Variants in PANX3 observed in about 807,000 individuals in gnomAD.
The protein encoded by PANX3 is pannexin 3.
A neutral mutation model predicts 31.5 loss-of-function variants in PANX3; 18 were observed. That is an observed-to-expected ratio of 0.57 (90% CI 0.39 to 0.85). The LOEUF (loss-of-function observed/expected upper bound fraction) is 0.85. Among genes scored for constraint, PANX3 ranks in the 40% least tolerant of loss-of-function variants. PANX3 has a pLI of 0.00. For missense variants in PANX3, 426 were observed against 485.4 expected (o/e 0.88, Z 1.15); for synonymous variants, 194 against 201.6 (o/e 0.96, Z 0.32).
At position 124,612,973 on chromosome 11, in the gene PANX3, G is replaced by A. The variant is rs763756726; in HGVS notation, c.182-7G>A. Reference sequence around the variant, plus strand: ...CAGGCGGCCTCAAAGCTGTGTTCCTGTTGCAGGGTCTCCGATCAGCTGCTT... The same window carrying A: ...CAGGCGGCCTCAAAGCTGTGTTCCTATTGCAGGGTCTCCGATCAGCTGCTT... On this transcript the variant is annotated splice_region_variant and splice_polypyrimidine_tract_variant and intron_variant, in intron 1 of 3. Coordinates refer to ENST00000284288, the MANE Select transcript of PANX3 (RefSeq NM_052959.3). The A allele has an allele frequency of 6.2e-7, 1 of 1,613,788 alleles. No individual in the cohort carries two copies. The highest frequency in any genetic ancestry group is 1.7e-5 in the Admixed American group (1 of 60,008).
intron 1 of PANX3, among the ~76,000 whole-genome samples, chr11:124,612,343 TA>T (rs1863104082): frequency 6.6e-6 from 1 of 152,216 alleles, no homozygotes; most frequent in Non-Finnish European, 1.5e-5. Flanking sequence ...CTACCTTTGT[TA>T]AAGAGAATGT....
chr11:124,613,854 C>G (rs977972726), intron 2 of PANX3, among the ~76,000 whole-genome samples: 1 of 152,156 alleles, frequency 6.6e-6, no homozygotes, highest in Non-Finnish European at 1.5e-5. Flanking sequence ...CCATCCTCCC[C>G]ATGAACTGGT....
At chr11:124,617,627 T>C in intron 3 of PANX3, 139 bp downstream of exon 3, 1 of 790,594 alleles carries the variant, frequency 1.3e-6, no homozygotes, top group South Asian at 1.7e-5. Flanking sequence ...TCATTAACTT[T>C]CTATTGTTTC....
intron 3 of PANX3, 71 bp downstream of exon 3, chr11:124,617,559 C>G: frequency 1.4e-6 from 2 of 1,460,548 alleles, no homozygotes; most frequent in Non-Finnish European, 1.9e-6. Context: ...GCATAGTCAT[C>G]TTTAAATGAT....
intron 2 of PANX3, among the ~76,000 whole-genome samples, chr11:124,614,896 C>T (rs1312750143): frequency 1.3e-5 from 2 of 151,146 alleles, no homozygotes; most frequent in African/African-American, 2.4e-5. Context: ...AGGCTGGTCT[C>T]GAACTCCTGA....
chr11:124,613,779 G>T (rs1863120604), intron 2 of PANX3, among the ~76,000 whole-genome samples: 1 of 152,098 alleles, frequency 6.6e-6, no homozygotes. Flanking sequence ...GTTTTCAGAA[G>T]TACCTGGTGT....
chr11:124,611,866 A>C, intron 1 of PANX3, 129 bp downstream of exon 1: 1 of 1,011,826 alleles, frequency 9.9e-7, no homozygotes, highest in Non-Finnish European at 1.4e-6. Context: ...GGATTATCCA[A>C]AAGGCAGATG....
At position 124,619,297 on chromosome 11, in the gene PANX3, G is replaced by A. The variant is rs1278523566; in HGVS notation, c.541G>A (p.Ala181Thr). The change falls in exon 4 of 4, where the codon GCT (alanine) becomes ACT (threonine). Residue 181 changes from alanine (A) to threonine (T), a missense_variant and splice_region_variant. Coordinates refer to ENST00000284288, the MANE Select transcript of PANX3 (RefSeq NM_052959.3). ...PYVFWNELEK[A>T]RKERYFEFPL... The stretch of plus-strand genomic sequence containing the variant: ...TGCCTCCTTCCTTCCACTGCCCAGG[G>A]CTCGGAAAGAACGATACTTTGAATT... The A allele has an allele frequency of 1.2e-6, 2 of 1,610,100 alleles. No homozygotes were observed. The highest frequency in any genetic ancestry group is 1.7e-6 in the Non-Finnish European group (2 of 1,178,432).
intron 1 of PANX3, among the ~76,000 whole-genome samples, chr11:124,612,767 G>C (rs1487786281): frequency 6.6e-6 from 1 of 152,218 alleles, no homozygotes; most frequent in African/African-American, 2.4e-5. Flanking sequence ...AAAAGGCTGA[G>C]TCAGCACTGG....
Position 124,611,667 on chromosome 11 carries a change from A to G in PANX3, c.111A>G (p.Ile37Met). Residue 37 changes from isoleucine to methionine, a missense_variant, in exon 1 of 4, where the codon ATA becomes ATG. Physicochemically the swap from Ile to Met is conservative, Grantham distance 10 (BLOSUM62 1). Coordinates refer to ENST00000284288, the MANE Select transcript of PANX3 (RefSeq NM_052959.3). ...GTCTGGAACTGCCCCTGGACCGGAT[A>G]GTCAAGTTCGTAGCTGTGGGCTCCC... Reference protein sequence around the residue: ...GLRLELPLDRIVKFVAVGSPL... With the variant: ...GLRLELPLDRMVKFVAVGSPL... The G allele has an allele frequency of 6.2e-7, 1 of 1,614,212 alleles. No individual in the cohort carries two copies.
chr11:124,611,635 G>T lies in PANX3; in HGVS notation c.79G>T (p.Gly27Ter). The change falls in exon 1 of 4, where the codon GGA (glycine) becomes TGA (stop). Residue 27 changes from glycine to a stop codon, truncating the protein, a stop_gained. Coordinates refer to ENST00000284288, the MANE Select transcript of PANX3 (RefSeq NM_052959.3). LOFTEE classifies it high-confidence loss of function. Reference sequence around the variant, plus strand: ...TGACCGCAGGGGACCCCGCCTCAAAGGACTGCGTCTGGAACTGCCCCTGGA... The same window carrying T: ...TGACCGCAGGGGACCCCGCCTCAAATGACTGCGTCTGGAACTGCCCCTGGA... Reference protein sequence around the residue: ...LPDRRGPRLKGLRLELPLDRI... With the variant: ...LPDRRGPRLK The T allele has an allele frequency of 1.2e-6, 2 of 1,614,152 alleles. No homozygotes were observed. The highest frequency in any genetic ancestry group is 3.3e-5 in the Admixed American group (2 of 60,030).
chr11:124,612,965 G>A lies in PANX3; in HGVS notation c.182-15G>A, dbSNP rs76629240. ...CTCCAACTCAGGCGGCCTCAAAGCT[G>A]TGTTCCTGTTGCAGGGTCTCCGATC... is the stretch of plus-strand genomic sequence containing the variant. On this transcript the variant is annotated splice_polypyrimidine_tract_variant and intron_variant, in intron 1 of 3. Transcript: ENST00000284288. The A allele has an allele frequency of 7.4e-4, 1,196 of 1,613,438 alleles. 16 individuals are homozygous for A. In the African/African-American group the frequency reaches 0.015, roughly 20 times the overall value.
At position 124,619,601 on chromosome 11, in the gene PANX3, T is replaced by C. The variant is rs201221366; in HGVS notation, c.845T>C (p.Ile282Thr). The part of the protein sequence containing the change: ...VSLSSVAIYT[I>T]LVPVIIYNLT... ...CTCTCCAGTGTAGCAATATACACCA[T>C]ATTGGTTCCAGTGATAATATACAAC... The change falls in exon 4 of 4, where the codon ATA (isoleucine) becomes ACA (threonine). Residue 282 changes from isoleucine (I) to threonine (T), a missense_variant. By Grantham distance (89) the Ile-to-Thr change is moderately conservative (BLOSUM62 -1). Coordinates refer to ENST00000284288, the MANE Select transcript of PANX3 (RefSeq NM_052959.3). 33 of 1,614,188 alleles carry C rather than the reference T, an allele frequency of 2.0e-5. No homozygotes were observed. The highest frequency in any genetic ancestry group is 2.7e-5 in the Non-Finnish European group (32 of 1,180,040).
chr11:124,618,069 C>T (rs1165785034), intron 3 of PANX3, among the ~76,000 whole-genome samples: 1 of 152,058 alleles, frequency 6.6e-6, no homozygotes, highest in Non-Finnish European at 1.5e-5. Context: ...GAAACACAGA[C>T]AAATAAACAG....
intron 1 of PANX3, 50 bp downstream of exon 1, chr11:124,611,787 A>G: frequency 6.4e-7 from 1 of 1,559,264 alleles, no homozygotes; most frequent in East Asian, 2.3e-5. Flanking sequence ...CCCTCATGTC[A>G]CTCTCTGCAT....
At chr11:124,617,251 C>T (rs1863163105) in intron 2 of PANX3, 23 bp from the exon 3 acceptor site, 1 of 1,588,832 alleles carries the variant, frequency 6.3e-7, no homozygotes, top group Non-Finnish European at 8.5e-7. Context: ...CGGCCTCCCT[C>T]CTCAGCTGCT....
chr11:124,620,111 G>A lies in PANX3; in HGVS notation c.*176G>A, dbSNP rs964477747. 6 of 720,238 alleles carry A rather than the reference G, an allele frequency of 8.3e-6. No homozygotes were observed. In the African/African-American group the frequency reaches 1.1e-4, roughly 13 times the overall value. 44.6% of individuals were successfully genotyped at this position (720,238 alleles called of 1,614,324 possible). The stretch of plus-strand genomic sequence containing the variant: ...CCTAAAAGTGAGAAGACATAACCAA[G>A]ACATGGAAATAAATGTGAAAGCTGG... On this transcript the variant is annotated 3_prime_UTR_variant, in exon 4 of 4. Coordinates refer to ENST00000284288, the MANE Select transcript of PANX3 (RefSeq NM_052959.3).
In PANX3 at chr11:124,612,958, C is replaced by T. The variant is rs771607256; in HGVS notation, c.182-22C>T. On this transcript the variant is annotated intron_variant, in intron 1 of 3. Coordinates refer to ENST00000284288, the MANE Select transcript of PANX3 (RefSeq NM_052959.3). ...TCCTCCACTCCAACTCAGGCGGCCT[C>T]AAAGCTGTGTTCCTGTTGCAGGGTC... 3.1e-6 allele frequency: 5 copies of T among 1,612,550 alleles called. No homozygotes were observed. In the African/African-American group the frequency reaches 4.0e-5, roughly 13 times the overall value.
chr11:124,614,932 C>T (rs1231085921), intron 2 of PANX3, among the ~76,000 whole-genome samples: 1 of 152,050 alleles, frequency 6.6e-6, no homozygotes, highest in Non-Finnish European at 1.5e-5. Context: ...ACCTCGACCT[C>T]CCAAAGTGCT....
Sources: gnomAD v4.1 joint callset for allele counts (sites outside exome capture counted in the v4.1 genomes callset) on GRCh38, gnomAD v4.1.1 for gene constraint, MANE v1.5 for transcripts, NCBI Gene and HGNC (gene_info 2026-07-23, HGNC 2026-07-21) for gene names.